ENOX1: variants seen among roughly 807,000 people sequenced by gnomAD.
ENOX1 encodes candidate growth-related and time keeping constitutive hydroquinone (NADH) oxidase.
In ENOX1, 42 loss-of-function variants were observed where a neutral mutation model predicts 82.5. The observed-to-expected ratio is 0.51, with a 90% CI of 0.40 to 0.66. ENOX1 has a LOEUF of 0.66. Ranked by LOEUF, ENOX1 falls within the 30% of genes least tolerant of loss-of-function variation. The probability of loss-of-function intolerance (pLI) is 0.00; values close to 1 mark genes in which losing one functional copy is unlikely to be tolerated. For synonymous variants in ENOX1, 271 were observed against 282.2 expected, an observed-to-expected ratio of 0.96 and a Z score of 0.40; for missense variants, 608 against 811.6, an observed-to-expected ratio of 0.75 and a Z score of 3.05.
At chr13:43,511,422 C>T (rs896489618) in intron 2 of ENOX1, among the ~76,000 whole-genome samples, 3 of 152,112 alleles carry the variant, frequency 2.0e-5, no homozygotes, top group Non-Finnish European at 4.4e-5. Context: ...GTTACATTTA[C>T]ATGGACTTTG....
At chr13:43,571,522 G>A (rs10870769) in intron 2 of ENOX1, among the ~76,000 whole-genome samples, 11 of 146,752 alleles carry the variant, frequency 7.5e-5, no homozygotes, top group African/African-American at 1.0e-4. Flanking sequence ...TACTAAAAAA[G>A]AAAAAAAAAA....
chr13:43,644,189 G>A (rs1311519179), intron 2 of ENOX1, among the ~76,000 whole-genome samples: 2 of 152,170 alleles, frequency 1.3e-5, no homozygotes, highest in Non-Finnish European at 2.9e-5. Flanking sequence ...GTGATAGAAA[G>A]GTAACCATCC....
rs73482008 is a variant in ENOX1 at position 43,699,597 on chromosome 13, C to T, written c.-284-32053G>A. ...TTTGGCACATAGGGAGATTAGCTTTCAAATGCTACTAGGTTTGCATACAGA... is the reference window on the plus strand; with the variant it reads ...TTTGGCACATAGGGAGATTAGCTTTTAAATGCTACTAGGTTTGCATACAGA... On this transcript the variant is annotated intron_variant, in intron 1 of 16. Coordinates refer to ENST00000690772, the MANE Select transcript of ENOX1 (RefSeq NM_001347969.2). Among the ~76,000 whole-genome samples the T allele has an allele frequency of 6.9e-3, 1,046 of 152,256 alleles. 14 individuals are homozygous for T. Among genetic ancestry groups the T allele is most frequent in the African/African-American group, 0.024 (1,015 of 41,538 alleles).
At chr13:43,377,414 T>C (rs1415184303) in intron 5 of ENOX1, among the ~76,000 whole-genome samples, 1 of 152,248 alleles carries the variant, frequency 6.6e-6, no homozygotes, top group East Asian at 1.9e-4. Context: ...CTTTTCTTTA[T>C]AAATTACCCA....
At chr13:43,658,882 A>G (rs958056935) in intron 2 of ENOX1, among the ~76,000 whole-genome samples, 1 of 152,176 alleles carries the variant, frequency 6.6e-6, no homozygotes, top group Non-Finnish European at 1.5e-5. Flanking sequence ...GTAAAGTTTC[A>G]TGATCATCTG....
chr13:43,735,036 T>A (rs1365331017), intron 1 of ENOX1, among the ~76,000 whole-genome samples: 1 of 152,170 alleles, frequency 6.6e-6, no homozygotes, highest in Non-Finnish European at 1.5e-5. Flanking sequence ...GATGATAATA[T>A]TTATTATGTG....
chr13:43,686,556 T>G (rs1369947573), intron 1 of ENOX1, among the ~76,000 whole-genome samples: 3 of 152,230 alleles, frequency 2.0e-5, no homozygotes, highest in Admixed American at 6.5e-5. Context: ...CATATGAATG[T>G]TGACCCACAA....
chr13:43,505,790 C>T (rs955072245), intron 2 of ENOX1, among the ~76,000 whole-genome samples: 18 of 151,940 alleles, frequency 1.2e-4, no homozygotes, highest in African/African-American at 4.1e-4. Context: ...CTTTTGTTGC[C>T]GTTGCTTTTG....
intron 3 of ENOX1, among the ~76,000 whole-genome samples, chr13:43,427,451 T>G (rs2055383385): frequency 6.6e-6 from 1 of 152,216 alleles, no homozygotes; most frequent in African/African-American, 2.4e-5. Flanking sequence ...CAATGTACCC[T>G]AGCCTGGATG....
In ENOX1 at chr13:43,344,594, T is replaced by G; in HGVS notation, c.980A>C (p.Glu327Ala). Residue 327 changes from glutamate (E) to alanine (A), a missense_variant, in exon 9 of 17, where the codon GAG becomes GCG. By Grantham distance (107) the Glu-to-Ala change is moderately radical. Coordinates refer to ENST00000690772, the MANE Select transcript of ENOX1 (RefSeq NM_001347969.2). ...LMNEKATHEQ[E>A]MEEAKENFKN... ...AAAATTCTCCTTGGCTTCCTCCATC[T>G]CTTGCTCATGGGTGGCTTTTTCATT... 1.2e-6 allele frequency: 2 copies of G among 1,614,198 alleles called. No homozygotes were observed. The highest frequency in any genetic ancestry group is 1.7e-6 in the Non-Finnish European group (2 of 1,180,038).
chr13:43,654,045 T>C (rs2084315755), intron 2 of ENOX1, among the ~76,000 whole-genome samples: 1 of 152,214 alleles, frequency 6.6e-6, no homozygotes, highest in South Asian at 2.1e-4. Flanking sequence ...CTGGCTGGGC[T>C]AGAGTGCTCA....
chr13:43,668,233 C>T (rs1566738160), intron 1 of ENOX1, among the ~76,000 whole-genome samples: 1 of 152,162 alleles, frequency 6.6e-6, no homozygotes, highest in African/African-American at 2.4e-5. Context: ...AGACCTACTG[C>T]AACAGAATCT....
chr13:43,639,871 A>T (rs2083563503), intron 2 of ENOX1, among the ~76,000 whole-genome samples: 1 of 152,156 alleles, frequency 6.6e-6, no homozygotes, highest in Admixed American at 6.5e-5. Flanking sequence ...TCTACTAAAA[A>T]TATGAACATT....
chr13:43,390,864 G>A (rs1411530342), intron 5 of ENOX1, among the ~76,000 whole-genome samples: 2 of 150,794 alleles, frequency 1.3e-5, no homozygotes, highest in Middle Eastern at 3.4e-3. Context: ...TCCCTTTTTC[G>A]GTTTTGTTTT....
chr13:43,759,656 A>T (rs1950850844), intron 1 of ENOX1, among the ~76,000 whole-genome samples: 1 of 152,258 alleles, frequency 6.6e-6, no homozygotes, highest in South Asian at 2.1e-4. Flanking sequence ...ATCATTTGAT[A>T]AACATTTTAA....
At chr13:43,721,402 G>T (rs1406794963) in intron 1 of ENOX1, among the ~76,000 whole-genome samples, 1 of 99,170 alleles carries the variant, frequency 1.0e-5, no homozygotes. Flanking sequence ...TTTTTGAGAC[G>T]GAGTCTTGCT....
chr13:43,380,361 G>C (rs938996029), intron 5 of ENOX1, among the ~76,000 whole-genome samples: 19 of 148,200 alleles, frequency 1.3e-4, no homozygotes, highest in Non-Finnish European at 2.7e-4. Flanking sequence ...GATATATATA[G>C]AAGTAAAATA....
chr13:43,327,478 A>G (rs2048177856), intron 9 of ENOX1, among the ~76,000 whole-genome samples: 1 of 152,242 alleles, frequency 6.6e-6, no homozygotes, highest in Non-Finnish European at 1.5e-5. Flanking sequence ...AACTAACTGT[A>G]GACTTAATCT....
At chr13:43,780,020 G>A (rs1273372301) in intron 1 of ENOX1, among the ~76,000 whole-genome samples, 2 of 152,054 alleles carry the variant, frequency 1.3e-5, no homozygotes, top group Non-Finnish European at 2.9e-5. Context: ...AATTAGCTGG[G>A]CATGGTGGCG....
Sources: gnomAD v4.1 joint callset for allele counts (sites outside exome capture counted in the v4.1 genomes callset) on GRCh38, gnomAD v4.1.1 for gene constraint, MANE v1.5 for transcripts, NCBI Gene and HGNC (gene_info 2026-07-23, HGNC 2026-07-21) for gene names.